CPXM2: variants seen among roughly 807,000 people sequenced by gnomAD.
The protein encoded by CPXM2 is carboxypeptidase X, M14 family member 2.
A neutral mutation model predicts 86.1 loss-of-function variants in CPXM2; 66 were observed. That is an observed-to-expected ratio of 0.77 (90% CI 0.63 to 0.94). The LOEUF (loss-of-function observed/expected upper bound fraction) is 0.94. CPXM2 is among the 40% of genes least tolerant of loss of function. The pLI is 0.00. For synonymous variants in CPXM2, 388 were observed against 400.2 expected (o/e 0.97, Z 0.36); for missense variants, 948 against 1,026.3 (o/e 0.92, Z 1.04).
intron 12 of CPXM2, among the ~76,000 whole-genome samples, chr10:123,756,863 T>A (rs1349430812): frequency 6.6e-6 from 1 of 152,196 alleles, no homozygotes; most frequent in East Asian, 1.9e-4. Flanking sequence ...GCTGCAAGTC[T>A]GCCTTGTAAG....
intron 2 of CPXM2, among the ~76,000 whole-genome samples, chr10:123,874,587 G>C (rs1370345605): frequency 6.6e-6 from 1 of 151,934 alleles, no homozygotes. Context: ...ATTTTTTTTT[G>C]TAAAGTTTTA....
intron 4 of CPXM2, among the ~76,000 whole-genome samples, chr10:123,827,529 A>G (rs1175648164): frequency 1.3e-5 from 2 of 152,248 alleles, no homozygotes; most frequent in Non-Finnish European, 2.9e-5. Flanking sequence ...CGGGACTCGC[A>G]TGCTGAAAAC....
chr10:123,913,419 A>C (rs73368743), intron 2 of CPXM2, among the ~76,000 whole-genome samples: 4,047 of 152,268 alleles, frequency 0.027, 188 homozygotes, highest in African/African-American at 0.088. Context: ...ATGATTGTTT[A>C]GGGGGCATTG....
Position 123,754,639 on chromosome 10 carries a change from C to A in CPXM2, c.2017+24G>T, listed in dbSNP as rs112441849. 3,336 of 1,233,992 alleles carry A rather than the reference C, an allele frequency of 2.7e-3. 72 individuals are homozygous for A. The African/African-American group carries it at 0.044, about 16-fold the overall frequency. The allele number at this position is 1,233,992 out of a possible 1,614,324, so 76.4% of individuals were successfully genotyped here. A position where few individuals can be genotyped will look rare whatever the true frequency, so the allele number is the denominator to read the frequency against. Reference sequence around the variant, plus strand: ...AAAATGGGTATTTCTTACCAAGAGACAGTCTGCACACATTTGCAGTTACCT... The same window carrying A: ...AAAATGGGTATTTCTTACCAAGAGAAAGTCTGCACACATTTGCAGTTACCT... On this transcript the variant is annotated intron_variant, in intron 13 of 13. Transcript: ENST00000241305. The surrounding 1 kb of genome is among the most constrained non-coding windows in gnomAD (Gnocchi z 4.0).
At chr10:123,817,169 G>A (rs549597021) in intron 4 of CPXM2, among the ~76,000 whole-genome samples, 2 of 152,308 alleles carry the variant, frequency 1.3e-5, no homozygotes, top group East Asian at 3.9e-4. Flanking sequence ...TCCAGCCCAT[G>A]TATTGAATGA....
chr10:123,861,018 A>G (rs1187090059), intron 3 of CPXM2, among the ~76,000 whole-genome samples: 1 of 152,148 alleles, frequency 6.6e-6, no homozygotes, highest in Non-Finnish European at 1.5e-5. Flanking sequence ...GTGGAGAAAG[A>G]GCAAAGCTTG....
At position 123,805,124 on chromosome 10, in the gene CPXM2, T is replaced by A. The variant is rs113833774; in HGVS notation, c.654-5925A>T. 3.4e-3 allele frequency among the ~76,000 whole-genome samples: 518 copies of A among 152,230 alleles called. 3 individuals are homozygous for A. Among genetic ancestry groups the A allele is most frequent in the African/African-American group, 0.012 (501 of 41,576 alleles). On this transcript the variant is annotated intron_variant, in intron 4 of 13. Coordinates refer to ENST00000241305, the MANE Select transcript of CPXM2 (RefSeq NM_198148.3). Reference sequence around the variant, plus strand: ...AAACATCAAGATGTTTTCATTTTCATATATATTGTCTTTAGGTTGTAACAG... The same window carrying A: ...AAACATCAAGATGTTTTCATTTTCAAATATATTGTCTTTAGGTTGTAACAG...
chr10:123,860,775 C>G (rs993184083), intron 3 of CPXM2, among the ~76,000 whole-genome samples: 5 of 119,832 alleles, frequency 4.2e-5, no homozygotes, highest in African/African-American at 1.1e-4. Context: ...TTTGCGGGCT[C>G]ATGTGTTCAT....
At position 123,891,316 on chromosome 10, in the gene CPXM2, C is replaced by G; in HGVS notation, c.304+40G>C. On this transcript the variant is annotated intron_variant, in intron 1 of 13. Transcript: ENST00000241305. The surrounding 1 kb of genome is among the most constrained non-coding windows in gnomAD (Gnocchi z 5.6). The stretch of plus-strand genomic sequence containing the variant: ...TTGTCCCCTGGAGGCGCGCAACCAC[C>G]GGCGCCCCCTCGGGCTGCCCAGCGC... The G allele has an allele frequency of 7.0e-7, 1 of 1,433,760 alleles. No individual in the cohort carries two copies. The highest frequency in any genetic ancestry group is 9.2e-7 in the Non-Finnish European group (1 of 1,083,928). The allele number at this position is 1,433,760 out of a possible 1,614,324, so 88.8% of individuals were successfully genotyped here.
chr10:123,910,569 T>TA (rs776625442), intron 2 of CPXM2, among the ~76,000 whole-genome samples: 14 of 152,198 alleles, frequency 9.2e-5, no homozygotes, highest in Non-Finnish European at 1.5e-4. Flanking sequence ...CCCTCCCAGA[T>TA]ACAAGCCCCA....
At chr10:123,771,060 A>G (rs748974999) in intron 7 of CPXM2, 21 bp from the exon 8 acceptor site, 7 of 1,610,574 alleles carry the variant, frequency 4.3e-6, no homozygotes, top group Middle Eastern at 3.3e-4. Context: ...AGGTGAATCA[A>G]AAACTCTAAG....
chr10:123,890,681 G>A (rs1004057749), intron 1 of CPXM2, among the ~76,000 whole-genome samples: 3 of 152,238 alleles, frequency 2.0e-5, no homozygotes, highest in Non-Finnish European at 4.4e-5. Context: ...AAGAAAATGA[G>A]GTTGGCAGAA....
chr10:123,856,814 A>G (rs1016378401), intron 3 of CPXM2, among the ~76,000 whole-genome samples: 3 of 152,178 alleles, frequency 2.0e-5, no homozygotes, highest in African/African-American at 7.2e-5. Context: ...CTGGTCTTGA[A>G]TTCCTGACCT....
chr10:123,751,558 C>T lies in CPXM2; in HGVS notation c.2017+3105G>A, dbSNP rs1846077236. ...CACACAGGAGCAGGTCAGTTCAGTA[C>T]CCACCAAGCAAAGGACAGGCATGTG... On this transcript the variant is annotated intron_variant, in intron 13 of 13. Transcript: ENST00000241305. The T allele has an allele frequency of 6.1e-6, 6 of 985,342 alleles. No individual in the cohort carries two copies. In the South Asian group the frequency reaches 2.8e-4, roughly 46 times the overall value. 61.0% of individuals were successfully genotyped at this position (985,342 alleles called of 1,614,324 possible).
At chr10:123,915,421 G>A (rs964433077) in intron 2 of CPXM2, among the ~76,000 whole-genome samples, 1 of 152,322 alleles carries the variant, frequency 6.6e-6, no homozygotes, top group African/African-American at 2.4e-5. Flanking sequence ...AACCAGGCGT[G>A]ATGGCAGGCG....
Position 123,768,267 on chromosome 10 carries a change from A to T in CPXM2, c.1299+259T>A, listed in dbSNP as rs552141486. On this transcript the variant is annotated intron_variant, in intron 9 of 13. Transcript: ENST00000241305. ...GTGGCTGGCGGCCGTAATCCCAGCT[A>T]CTTAGGAGGCTGAGGCAAATCGCTT... is the stretch of plus-strand genomic sequence containing the variant. Among the ~76,000 whole-genome samples, 4 of 152,252 alleles carry T rather than the reference A, an allele frequency of 2.6e-5. No individual in the cohort carries two copies. The South Asian group carries it at 8.3e-4, about 32-fold the overall frequency.
intron 2 of CPXM2, among the ~76,000 whole-genome samples, chr10:123,911,340 C>T (rs746317179): frequency 6.6e-5 from 10 of 151,994 alleles, no homozygotes; most frequent in Admixed American, 1.3e-4. Flanking sequence ...GGGGACAGGT[C>T]CCCCGGCAGC....
chr10:123,925,610 A>T (rs1374102763), intron 2 of CPXM2, among the ~76,000 whole-genome samples: 1 of 152,214 alleles, frequency 6.6e-6, no homozygotes, highest in African/African-American at 2.4e-5. Context: ...CATCCAACAA[A>T]ATTGGCATCT....
rs576111643 is a variant in CPXM2 at position 123,885,992 on chromosome 10, C to T, written c.304+5364G>A. 6.6e-6 allele frequency among the ~76,000 whole-genome samples: 1 copy of T among 152,310 alleles called. No individual in the cohort carries two copies. Among genetic ancestry groups the T allele is most frequent in the African/African-American group, 2.4e-5 (1 of 41,562 alleles). On this transcript the variant is annotated intron_variant, in intron 1 of 13. Transcript: ENST00000241305. This position sits in a 1 kb window ranked among gnomAD's most constrained non-coding sequence, Gnocchi z 4.0. ...ATGCGCGAGCCCTGGTTTCTGGAAC[C>T]TTGGGCACAGGCAAGAGGAAATTTG... is the stretch of plus-strand genomic sequence containing the variant.
Sources: gnomAD v4.1 joint callset for allele counts (sites outside exome capture counted in the v4.1 genomes callset) on GRCh38, gnomAD v4.1.1 for gene constraint, Gnocchi (gnomAD v3.1) non-coding constraint, MANE v1.5 for transcripts, NCBI Gene and HGNC (gene_info 2026-07-23, HGNC 2026-07-21) for gene names.